The following ENTREP2 variants were observed in gnomAD, a reference collection of about 807,000 sequenced individuals.
ENTREP2 encodes endosomal transmembrane epsin interactor 2.
At chr15:29,342,279 G>A in the ENTREP2 span, among the ~76,000 whole-genome samples, 1 of 152,216 alleles carries the variant, frequency 6.6e-6, no homozygotes, top group Non-Finnish European at 1.5e-5. Flanking sequence ...AGGGACTGCT[G>A]TGCGTTCCAT....
At chr15:29,397,269 T>G in the ENTREP2 span, among the ~76,000 whole-genome samples, 1 of 152,138 alleles carries the variant, frequency 6.6e-6, no homozygotes, top group Admixed American at 6.5e-5. Flanking sequence ...TATGTGCCTG[T>G]AGTCCCAGCT....
At chr15:29,288,929 G>A in the ENTREP2 span, among the ~76,000 whole-genome samples, 11 of 152,210 alleles carry the variant, frequency 7.2e-5, no homozygotes, top group Non-Finnish European at 1.2e-4. Flanking sequence ...AAAAATGGGC[G>A]GGGTGCAGAG....
chr15:29,570,897 G>T, the ENTREP2 span, among the ~76,000 whole-genome samples: 2 of 145,020 alleles, frequency 1.4e-5, no homozygotes, highest in South Asian at 4.2e-4. Context: ...CGGGGAGCCG[G>T]GCGCCCGCAG....
At chr15:29,140,697 G>A in the ENTREP2 span, among the ~76,000 whole-genome samples, 1 of 152,136 alleles carries the variant, frequency 6.6e-6, no homozygotes, top group East Asian at 1.9e-4. Flanking sequence ...AAAGCCAGTG[G>A]GCAGCCACCC....
the ENTREP2 span, among the ~76,000 whole-genome samples, chr15:29,430,475 A>G: frequency 1.7e-4 from 26 of 152,214 alleles, no homozygotes; most frequent in African/African-American, 5.8e-4. Context: ...AGCAGGGACT[A>G]TGATCATTAT....
chr15:29,430,411 TG>T, the ENTREP2 span, among the ~76,000 whole-genome samples: 1 of 152,344 alleles, frequency 6.6e-6, no homozygotes, highest in African/African-American at 2.4e-5. Context: ...GGCAGAGGCC[TG>T]GTGTGTCTTC....
chr15:29,572,075 T>C, the ENTREP2 span, among the ~76,000 whole-genome samples: 1 of 152,162 alleles, frequency 6.6e-6, no homozygotes, highest in African/African-American at 2.4e-5. Flanking sequence ...ATTGATTCCT[T>C]TGGGGCTTGA....
the ENTREP2 span, among the ~76,000 whole-genome samples, chr15:29,571,559 A>G: frequency 1.8e-4 from 27 of 152,212 alleles, no homozygotes; most frequent in African/African-American, 6.0e-4. Flanking sequence ...CATTCCGAGA[A>G]CATTGCCAGG....
At chr15:29,350,633 G>T in the ENTREP2 span, among the ~76,000 whole-genome samples, 23 of 152,252 alleles carry the variant, frequency 1.5e-4, 1 homozygote, top group South Asian at 4.8e-3. Flanking sequence ...CAAAAGTTTT[G>T]CAATAATTAT....
the ENTREP2 span, among the ~76,000 whole-genome samples, chr15:29,456,033 T>C: frequency 6.6e-6 from 1 of 152,156 alleles, no homozygotes; most frequent in African/African-American, 2.4e-5. Context: ...TATAGTACAA[T>C]GTAATAATAA....
the ENTREP2 span, among the ~76,000 whole-genome samples, chr15:29,476,183 C>CA: frequency 6.6e-6 from 1 of 152,186 alleles, no homozygotes; most frequent in Non-Finnish European, 1.5e-5. Context: ...TCTATCCCCC[C>CA]AAATAACAAT....
chr15:29,359,751 A>T, the ENTREP2 span, among the ~76,000 whole-genome samples: 1 of 152,234 alleles, frequency 6.6e-6, no homozygotes, highest in African/African-American at 2.4e-5. Flanking sequence ...AACCACACAA[A>T]CTAAAGAGCA....
At chr15:29,232,274 C>T in the ENTREP2 span, among the ~76,000 whole-genome samples, 1 of 152,110 alleles carries the variant, frequency 6.6e-6, no homozygotes, top group African/African-American at 2.4e-5. Flanking sequence ...TTCTCTAAGA[C>T]TATAGTTTAA....
chr15:29,649,424 G>A, the ENTREP2 span, among the ~76,000 whole-genome samples: 2 of 152,052 alleles, frequency 1.3e-5, no homozygotes. Flanking sequence ...CTAGATTCAA[G>A]AAACAGAAAC....
chr15:29,302,191 A>G, the ENTREP2 span, among the ~76,000 whole-genome samples: 2 of 152,188 alleles, frequency 1.3e-5, no homozygotes, highest in Non-Finnish European at 2.9e-5. Flanking sequence ...TTCTCTTCCA[A>G]TAAGACCATG....
chr15:29,415,218 A>G, the ENTREP2 span, among the ~76,000 whole-genome samples: 1 of 152,192 alleles, frequency 6.6e-6, no homozygotes, highest in Non-Finnish European at 1.5e-5. Flanking sequence ...TTTTACACCA[A>G]TATCCCTGAT....
At chr15:29,624,870 T>TG in the ENTREP2 span, among the ~76,000 whole-genome samples, 14 of 135,486 alleles carry the variant, frequency 1.0e-4, no homozygotes, top group Non-Finnish European at 1.7e-4. Context: ...CCTGCATTAA[T>TG]TTGTGTGTGT....
At chr15:29,525,264 A>T in the ENTREP2 span, among the ~76,000 whole-genome samples, 1 of 152,228 alleles carries the variant, frequency 6.6e-6, no homozygotes, top group Non-Finnish European at 1.5e-5. Context: ...CATACCCAAG[A>T]ACTGAAAACA....
the ENTREP2 span, among the ~76,000 whole-genome samples, chr15:29,564,115 G>A: frequency 6.6e-6 from 1 of 152,256 alleles, no homozygotes; most frequent in Middle Eastern, 3.4e-3. Context: ...GATCAGGAAA[G>A]TTCCTAATAA....
Sources: gnomAD v4.1 joint callset for allele counts (sites outside exome capture counted in the v4.1 genomes callset) on GRCh38, gnomAD v4.1.1 for gene constraint, MANE v1.5 for transcripts, NCBI Gene and HGNC (gene_info 2026-07-23, HGNC 2026-07-21) for gene names.